GALC: variants seen among roughly 807,000 people sequenced by gnomAD.
The protein encoded by GALC is galactocerebrosidase.
GALC carries 77 observed loss-of-function variants against 91.8 expected under a neutral mutation model. The observed-to-expected ratio is 0.84, with a 90% CI of 0.70 to 1.01. GALC has a LOEUF of 1.01. GALC is among the 50% of genes least tolerant of loss of function. GALC has a pLI of 0.00. For synonymous variants in GALC, 357 were observed against 306.7 expected (o/e 1.16, Z -1.71); for missense variants, 882 against 855.9 (o/e 1.03, Z -0.38).
chr14:87,961,697 TC>T (rs1392428245), intron 10 of GALC, among the ~76,000 whole-genome samples: 1 of 152,138 alleles, frequency 6.6e-6, no homozygotes, highest in African/African-American at 2.4e-5. Flanking sequence ...ATTTTCCTTA[TC>T]TCTGAAGACA....
intron 13 of GALC, 95 bp from the exon 14 acceptor site, chr14:87,945,828 G>A: frequency 1.1e-6 from 1 of 913,906 alleles, no homozygotes; most frequent in Non-Finnish European, 1.7e-6. Flanking sequence ...ACTTCTGAAA[G>A]CTTTTAAATA....
At chr14:87,958,249 G>A (rs991331544) in intron 10 of GALC, among the ~76,000 whole-genome samples, 1 of 152,112 alleles carries the variant, frequency 6.6e-6, no homozygotes, top group Non-Finnish European at 1.5e-5. Context: ...AAAGGAGAAA[G>A]GGAACAGAGC....
Position 87,947,754 on chromosome 14 carries a change from C to T in GALC, c.1463G>A (p.Ser488Asn), listed in dbSNP as rs1017268936. Residue 488 changes from serine to asparagine, a missense_variant, in exon 13 of 17, where the codon AGT becomes AAT. Transcript: ENST00000261304. ...PLPPKSQPFPSTYKDDFNVDY... is the reference protein window; with the variant it reads ...PLPPKSQPFPNTYKDDFNVDY... ...AACATTGAAATCATCCTTATAGGTACTTGGGAAGGGCTGGGATTTTGGAGG... is the reference window on the plus strand; with the variant it reads ...AACATTGAAATCATCCTTATAGGTATTTGGGAAGGGCTGGGATTTTGGAGG... 4.3e-6 allele frequency: 7 copies of T among 1,612,738 alleles called. No homozygotes were observed. Among genetic ancestry groups the T allele is most frequent in the Non-Finnish European group, 5.9e-6 (7 of 1,179,228 alleles).
chr14:87,934,625 G>C lies in GALC; in HGVS notation c.*107C>G. 1 of 1,585,076 alleles carries C rather than the reference G, an allele frequency of 6.3e-7. No homozygotes were observed. The highest frequency in any genetic ancestry group is 8.6e-7 in the Non-Finnish European group (1 of 1,167,462). ...CCCCTTTTACTCTTCATTATTTTTA[G>C]TCTCAAAAGCCTCATATACTGTTCC... On this transcript the variant is annotated 3_prime_UTR_variant, in exon 17 of 17. Coordinates refer to ENST00000261304, the MANE Select transcript of GALC (RefSeq NM_000153.4).
chr14:87,938,762 A>C (rs1884700822), intron 16 of GALC, among the ~76,000 whole-genome samples: 1 of 152,008 alleles, frequency 6.6e-6, no homozygotes, highest in Non-Finnish European at 1.5e-5. Context: ...AACATGAAAC[A>C]TAAAAGCAAT....
intron 6 of GALC, among the ~76,000 whole-genome samples, chr14:87,977,492 A>C (rs899514711): frequency 6.6e-6 from 1 of 152,202 alleles, no homozygotes; most frequent in Non-Finnish European, 1.5e-5. Context: ...ACCAAAATGT[A>C]TGGATTGCCT....
intron 6 of GALC, among the ~76,000 whole-genome samples, chr14:87,977,032 TGG>T (rs146514962): frequency 1.5e-4 from 14 of 95,912 alleles, no homozygotes; most frequent in African/African-American, 3.9e-4. Flanking sequence ...CATAGAAATA[TGG>T]GGGGGGGGGG....
intron 3 of GALC, chr14:87,987,889 C>G: frequency 8.5e-6 from 4 of 472,176 alleles, no homozygotes; most frequent in Non-Finnish European, 1.5e-5. Context: ...TTTTAGAAAA[C>G]TGTGGATTTG....
intron 7 of GALC, 46 bp downstream of exon 7, chr14:87,976,312 G>A (rs1886489284): frequency 1.2e-6 from 2 of 1,606,642 alleles, no homozygotes; most frequent in Non-Finnish European, 8.5e-7. Flanking sequence ...AATACACAGA[G>A]CAAGCAATCA....
chr14:87,937,900 T>C (rs1019200786), intron 16 of GALC, among the ~76,000 whole-genome samples: 7 of 150,636 alleles, frequency 4.6e-5, no homozygotes, highest in Non-Finnish European at 1.0e-4. Context: ...TGTTCCTGTG[T>C]TCTCTCATGG....
intron 10 of GALC, chr14:87,963,178 G>A (rs1885881932): frequency 3.7e-6 from 2 of 533,436 alleles, no homozygotes; most frequent in South Asian, 4.1e-5. Context: ...GAGAAAAGAT[G>A]AGAGCCAACT....
At chr14:87,956,597 C>CACACACCATATATATAT (rs1566982326) in intron 10 of GALC, among the ~76,000 whole-genome samples, 6,706 of 133,520 alleles carry the variant, frequency 0.05, 388 homozygotes, top group African/African-American at 0.14. Flanking sequence ...TATATATACA[C>CACACACCATATATATAT]ACACACACAC....
intron 10 of GALC, among the ~76,000 whole-genome samples, chr14:87,962,578 T>TACACACAC (rs36205603): frequency 2.3e-4 from 33 of 146,544 alleles, no homozygotes; most frequent in African/African-American, 7.5e-4. Flanking sequence ...CCTGATATGA[T>TACACACAC]ACACACACAC....
intron 16 of GALC, among the ~76,000 whole-genome samples, chr14:87,939,249 G>A (rs916892803): frequency 1.3e-5 from 2 of 151,874 alleles, no homozygotes; most frequent in African/African-American, 4.8e-5. Flanking sequence ...TGGTGGTTGA[G>A]AGAACAAATT....
At chr14:87,953,829 A>T in intron 10 of GALC, 1 of 1,609,444 alleles carries the variant, frequency 6.2e-7, no homozygotes, top group South Asian at 1.1e-5. Context: ...TTGTTTAGTC[A>T]TGGTGCTATC....
chr14:87,940,050 G>T, intron 15 of GALC, 69 bp from the exon 16 acceptor site: 1 of 1,293,710 alleles, frequency 7.7e-7, no homozygotes, highest in Non-Finnish European at 1.1e-6. Context: ...ATATAATTCA[G>T]TGGGGTTCTT....
chr14:87,960,111 C>T (rs1038832016), intron 10 of GALC, among the ~76,000 whole-genome samples: 4 of 151,496 alleles, frequency 2.6e-5, no homozygotes, highest in African/African-American at 9.7e-5. Context: ...GAAAGTAGAA[C>T]AGTGGTTACC....
chr14:87,963,345 A>G, intron 10 of GALC, 39 bp downstream of exon 10: 2 of 1,597,640 alleles, frequency 1.3e-6, no homozygotes, highest in African/African-American at 2.7e-5. Flanking sequence ...TCCAATAGTA[A>G]AGAAGTGAGT....
chr14:87,936,721 G>C (rs976577842), intron 16 of GALC, among the ~76,000 whole-genome samples: 5 of 151,340 alleles, frequency 3.3e-5, no homozygotes, highest in Non-Finnish European at 7.4e-5. Flanking sequence ...CAACCTCACA[G>C]AAGTTATCTC....
Sources: allele counts gnomAD v4.1 joint callset (sites outside exome capture counted in the v4.1 genomes callset), GRCh38; gene constraint gnomAD v4.1.1; transcripts MANE v1.5; gene names NCBI Gene and HGNC (gene_info 2026-07-23, HGNC 2026-07-21).